KCNQ5: variants seen among roughly 807,000 people sequenced by gnomAD.
The protein encoded by KCNQ5 is potassium voltage-gated channel subfamily Q member 5.
KCNQ5 carries 30 observed loss-of-function variants against 98.2 expected under a neutral mutation model. That is an observed-to-expected ratio of 0.31 (90% CI 0.23 to 0.41). The LOEUF (loss-of-function observed/expected upper bound fraction) is 0.41, where lower values mean the gene tolerates loss of function less well. KCNQ5 is among the 10% of genes least tolerant of loss of function. The probability of loss-of-function intolerance (pLI) is 1.00; values close to 1 mark genes in which losing one functional copy is unlikely to be tolerated. For missense variants in KCNQ5, 835 were observed against 1,182.5 expected (o/e 0.71, Z 4.31); for synonymous variants, 458 against 449.4 (o/e 1.02, Z -0.24).
At chr6:73,055,258 C>T in intron 3 of KCNQ5, 2 of 1,311,552 alleles carry the variant, frequency 1.5e-6, no homozygotes, top group Non-Finnish European at 2.2e-6. Flanking sequence ...TCTGCTTCAC[C>T]TCATTGCAGA....
intron 1 of KCNQ5, among the ~76,000 whole-genome samples, chr6:72,628,968 G>A (rs2098919386): frequency 6.6e-6 from 1 of 152,036 alleles, no homozygotes; most frequent in South Asian, 2.1e-4. Flanking sequence ...CTGCTTGGAG[G>A]AGGATCTGTT....
In KCNQ5 at chr6:72,724,642, A is replaced by G. The variant is rs990522652; in HGVS notation, c.398+102055A>G. On this transcript the variant is annotated intron_variant, in intron 1 of 13. Coordinates refer to ENST00000370398, the MANE Select transcript of KCNQ5 (RefSeq NM_019842.4). ...AATGGAGGATTCGTTTGAAAAAACT[A>G]TAAAACATGTGCTCTCTTGAGAGAT... Among the ~76,000 whole-genome samples the G allele has an allele frequency of 5.9e-5, 9 of 152,334 alleles. No homozygotes were observed. In the South Asian group the frequency reaches 6.2e-4, roughly 11 times the overall value.
At position 73,058,998 on chromosome 6, in the gene KCNQ5, C is replaced by T. The variant is rs548630360; in HGVS notation, c.616+16936C>T. Among the ~76,000 whole-genome samples the T allele has an allele frequency of 2.4e-4, 36 of 152,246 alleles. 1 individual carries two copies. The South Asian group carries it at 7.5e-3, about 32-fold the overall frequency. On this transcript the variant is annotated intron_variant, in intron 3 of 13. Coordinates refer to ENST00000370398, the MANE Select transcript of KCNQ5 (RefSeq NM_019842.4). ...AATTAGTTCAGCCGGTGTGGAAAGC[C>T]GTTTGGCAATTTCTCAAAGAACTCA...
At chr6:72,882,392 G>A (rs1178701928) in intron 1 of KCNQ5, among the ~76,000 whole-genome samples, 1 of 152,212 alleles carries the variant, frequency 6.6e-6, no homozygotes, top group East Asian at 1.9e-4. Flanking sequence ...AGCAGGGTAC[G>A]GGCATCAACT....
At chr6:72,894,916 G>C (rs953014925) in intron 1 of KCNQ5, among the ~76,000 whole-genome samples, 2 of 151,964 alleles carry the variant, frequency 1.3e-5, no homozygotes, top group African/African-American at 4.8e-5. Flanking sequence ...ACAAGGATTT[G>C]AGTGCAGTAA....
intron 1 of KCNQ5, among the ~76,000 whole-genome samples, chr6:72,669,450 G>T (rs1403980206): frequency 2.0e-5 from 3 of 152,124 alleles, no homozygotes; most frequent in African/African-American, 7.2e-5. Flanking sequence ...TCCAGGCCTG[G>T]GGTTGGCAGC....
chr6:72,897,236 A>T (rs1473938375), intron 1 of KCNQ5, among the ~76,000 whole-genome samples: 1 of 152,048 alleles, frequency 6.6e-6, no homozygotes, highest in African/African-American at 2.4e-5. Flanking sequence ...TTGGAAAAAA[A>T]ATTTATTAAA....
chr6:73,002,955 C>G (rs1356975191), intron 1 of KCNQ5, among the ~76,000 whole-genome samples: 1 of 152,104 alleles, frequency 6.6e-6, no homozygotes, highest in Non-Finnish European at 1.5e-5. Flanking sequence ...ACTAACTTCA[C>G]CATCATCCAG....
intron 6 of KCNQ5, 63 bp downstream of exon 6, chr6:73,105,430 T>C: frequency 2.2e-6 from 2 of 926,742 alleles, no homozygotes; most frequent in East Asian, 5.2e-5. Flanking sequence ...TAGAGTGAGC[T>C]CTCACAAATT....
At chr6:73,072,898 T>A (rs945665941) in intron 3 of KCNQ5, among the ~76,000 whole-genome samples, 211 of 150,518 alleles carry the variant, frequency 1.4e-3, no homozygotes, top group African/African-American at 4.8e-3. Context: ...ATTACATGCT[T>A]TTTTTTTTAT....
Position 73,075,473 on chromosome 6 carries a change from G to A in KCNQ5, c.617-1849G>A, listed in dbSNP as rs548144999. Among the ~76,000 whole-genome samples, 108 of 152,168 alleles carry A rather than the reference G, an allele frequency of 7.1e-4. 1 individual carries two copies. The highest frequency in any genetic ancestry group is 2.1e-3 in the African/African-American group (89 of 41,522). ...CCTGACCTCATGATCCGCCCACCTT[G>A]GCCTCCCAAAGTGCTGGGATTACAA... On this transcript the variant is annotated intron_variant, in intron 3 of 13. Coordinates refer to ENST00000370398, the MANE Select transcript of KCNQ5 (RefSeq NM_019842.4).
intron 1 of KCNQ5, among the ~76,000 whole-genome samples, chr6:72,799,321 T>C (rs949223763): frequency 6.6e-6 from 1 of 152,168 alleles, no homozygotes; most frequent in Non-Finnish European, 1.5e-5. Context: ...GTAATCTCCT[T>C]TGCTTAAAGT....
At chr6:73,010,154 C>T (rs112677538) in intron 2 of KCNQ5, among the ~76,000 whole-genome samples, 306 of 152,056 alleles carry the variant, frequency 2.0e-3, no homozygotes, top group African/African-American at 7.1e-3. Context: ...GATTATACAC[C>T]TTGGTCAAAG....
chr6:73,090,109 A>C (rs1774173841), intron 5 of KCNQ5, among the ~76,000 whole-genome samples: 1 of 61,838 alleles, frequency 1.6e-5, no homozygotes, highest in Non-Finnish European at 6.8e-5. Context: ...CCATTTTTGC[A>C]GGACTAAGGT....
chr6:73,007,950 CATT>C lies in KCNQ5; in HGVS notation c.489+3954_489+3956del, dbSNP rs542860498. Among the ~76,000 whole-genome samples, 8 of 152,068 alleles carry C rather than the reference CATT, an allele frequency of 5.3e-5. No homozygotes were observed. In the East Asian group the frequency reaches 1.5e-3, roughly 29 times the overall value. On this transcript the variant is annotated intron_variant, in intron 2 of 13. Transcript: ENST00000370398. ...AGTGTATAAAGATGTAATTATGTGA[CATT>C]AATAACTGAAAGGTGTAGGGCTAGA...
chr6:72,825,785 G>A (rs1286770286), intron 1 of KCNQ5, among the ~76,000 whole-genome samples: 1 of 152,120 alleles, frequency 6.6e-6, no homozygotes, highest in African/African-American at 2.4e-5. Context: ...TAGCACATGG[G>A]AGGCACTGTA....
intron 1 of KCNQ5, among the ~76,000 whole-genome samples, chr6:72,658,578 A>ATATT (rs1226386362): frequency 2.2e-4 from 17 of 76,380 alleles, no homozygotes; most frequent in Admixed American, 4.3e-4. Context: ...ATATATATAT[A>ATATT]TTTTTTTTTT....
At chr6:72,661,961 A>C (rs915305104) in intron 1 of KCNQ5, among the ~76,000 whole-genome samples, 5 of 152,110 alleles carry the variant, frequency 3.3e-5, no homozygotes, top group Admixed American at 3.3e-4. Context: ...TTCAAAATGA[A>C]CTTATGTGAT....
chr6:72,625,563 A>G (rs1372175471), intron 1 of KCNQ5, among the ~76,000 whole-genome samples: 1 of 152,214 alleles, frequency 6.6e-6, no homozygotes, highest in African/African-American at 2.4e-5. Flanking sequence ...TCATATATAA[A>G]TTTGCGTTGA....
Sources: gnomAD v4.1 joint callset for allele counts (sites outside exome capture counted in the v4.1 genomes callset) on GRCh38, gnomAD v4.1.1 for gene constraint, MANE v1.5 for transcripts, NCBI Gene and HGNC (gene_info 2026-07-23, HGNC 2026-07-21) for gene names.